Variants in TRPM7 observed in about 807,000 individuals in gnomAD.
The protein encoded by TRPM7 is LTRPC ion channel family member 7.
A neutral mutation model predicts 229.7 loss-of-function variants in TRPM7; 134 were observed. That is an observed-to-expected ratio of 0.58 (90% CI 0.51 to 0.67). The LOEUF is 0.67. Among genes scored for constraint, TRPM7 ranks in the 30% least tolerant of loss-of-function variants. The pLI, the probability that TRPM7 is intolerant of heterozygous loss-of-function variation, is 0.00. For missense variants in TRPM7, 1,901 were observed against 2,210.0 expected, an observed-to-expected ratio of 0.86 and a Z score of 2.80; for synonymous variants, 699 against 715.2, an observed-to-expected ratio of 0.98 and a Z score of 0.36.
chr15:50,631,819 G>A (rs2060744054), intron 9 of TRPM7, among the ~76,000 whole-genome samples: 1 of 151,992 alleles, frequency 6.6e-6, no homozygotes, highest in African/African-American at 2.4e-5. Flanking sequence ...AGGGGCTGAG[G>A]CTATAGATTC....
rs368888168 is a variant in TRPM7 at position 50,578,648 on chromosome 15, T to C, written c.4609A>G (p.Thr1537Ala). 112 of 1,609,712 alleles carry C rather than the reference T, an allele frequency of 7.0e-5. No homozygotes were observed. The highest frequency in any genetic ancestry group is 9.1e-5 in the Non-Finnish European group (107 of 1,177,464). ...SNREMPSEEG[T>A]LNGLTSPFKP... ...TACCACACAGACTCACCATTTAATG[T>C]TCCTTCTTCAGATGGCCTAAAGAAA... Residue 1537 changes from threonine to alanine, a missense_variant, in exon 31 of 39, where the codon ACA becomes GCA. Physicochemically the swap from Thr to Ala is moderately conservative, Grantham distance 58. Around this residue, in one of 8 missense-constraint regions of TRPM7, gnomAD observed 533 missense variants for 497.1 expected, o/e 1.07. Transcript: ENST00000646667.
chr15:50,608,039 A>T (rs1381638659), intron 19 of TRPM7, among the ~76,000 whole-genome samples: 2 of 141,438 alleles, frequency 1.4e-5, no homozygotes, highest in African/African-American at 2.6e-5. Context: ...TGGGCAACAG[A>T]GCGAGACTCT....
chr15:50,625,427 TTC>T (rs1160413340), intron 11 of TRPM7, among the ~76,000 whole-genome samples: 13 of 152,138 alleles, frequency 8.5e-5, no homozygotes, highest in African/African-American at 1.4e-4. Context: ...AGTATATACT[TTC>T]TGTTTTTTTG....
Position 50,561,500 on chromosome 15 carries a change from G to T in TRPM7, c.*178C>A. On this transcript the variant is annotated 3_prime_UTR_variant, in exon 39 of 39. Transcript: ENST00000646667. ...TCAGCTGCCAGCTCTATCCTATAGG[G>T]ACTTTCTGACTGATTAATCAGGTCA... The T allele has an allele frequency of 1.7e-6, 1 of 605,072 alleles. No individual in the cohort carries two copies. Among genetic ancestry groups the T allele is most frequent in the South Asian group, 2.5e-5 (1 of 39,524 alleles). The allele number at this position is 605,072 out of a possible 1,614,324, so 37.5% of individuals were successfully genotyped here.
intron 4 of TRPM7, among the ~76,000 whole-genome samples, chr15:50,648,344 T>C (rs1050529461): frequency 6.6e-6 from 1 of 151,508 alleles, no homozygotes; most frequent in Non-Finnish European, 1.5e-5. Context: ...TAATGGTAAA[T>C]TTAAACTTAA....
rs115916013 is a variant in TRPM7 at position 50,591,947 on chromosome 15, T to C, written c.4288A>G (p.Thr1430Ala). 578 of 1,590,660 alleles carry C rather than the reference T, an allele frequency of 3.6e-4. 1 individual carries two copies. The African/African-American group carries it at 6.6e-3, about 18-fold the overall frequency. The change falls in exon 26 of 39, where the codon ACA (threonine) becomes GCA (alanine). Residue 1430 changes from threonine (T) to alanine (A), a missense_variant. This residue lies in a region of TRPM7 where 533 missense variants were observed against 497.1 expected (regional missense o/e 1.07). Transcript: ENST00000646667. ...CCAAATTCTGTATTATCTCCTTCTG[T>C]AGCTTTAGAGCAAACAGTTTCTTGA... is the stretch of plus-strand genomic sequence containing the variant. ...KDQETVCSKA[T>A]EGDNTEFGAF...
At chr15:50,565,816 T>C (rs1451651079) in intron 38 of TRPM7, among the ~76,000 whole-genome samples, 1 of 141,772 alleles carries the variant, frequency 7.1e-6, no homozygotes, top group Non-Finnish European at 1.5e-5. Flanking sequence ...TCAGAGACCA[T>C]AAACTCTTTT....
intron 21 of TRPM7, among the ~76,000 whole-genome samples, chr15:50,600,235 G>C (rs1160697363): frequency 1.3e-5 from 2 of 152,104 alleles, no homozygotes; most frequent in Non-Finnish European, 2.9e-5. Context: ...TCAGGAGTTC[G>C]AGACTAGCCT....
rs2140375419 is a variant in TRPM7, at chr15:50,594,622, A to G, written c.3291-9T>C. ...CTTGTAAATACACATTGCTAGAGAA[A>G]TAATGAATAAAAATAAAATAAACTT... On this transcript the variant is annotated splice_polypyrimidine_tract_variant and intron_variant, in intron 23 of 38. Transcript: ENST00000646667. The G allele has an allele frequency of 6.5e-7, 1 of 1,532,464 alleles. No individual in the cohort carries two copies. The highest frequency in any genetic ancestry group is 2.3e-5 in the East Asian group (1 of 43,980). The allele number at this position is 1,532,464 out of a possible 1,614,324, so 94.9% of individuals were successfully genotyped here. A position where few individuals can be genotyped will look rare whatever the true frequency, so the allele number is the denominator to read the frequency against.
Position 50,575,011 on chromosome 15 carries a change from T to C in TRPM7, c.4860A>G (p.Gly1620=). The change falls in exon 34 of 39, where the codon GGA becomes GGG. Residue 1620 remains glycine, a synonymous_variant. Coordinates refer to ENST00000646667, the MANE Select transcript of TRPM7 (RefSeq NM_017672.6). ...CTTTGACAGCTCTTCGTAAACCTCC[T>C]CCCATCTCCTCTTTGCTTAAAAACT... The part of the protein sequence containing the change: ...KIEFLSKEEM[G]GGLRRAVKVQ... The C allele has an allele frequency of 6.2e-7, 1 of 1,614,108 alleles. No homozygotes were observed. The highest frequency in any genetic ancestry group is 8.5e-7 in the Non-Finnish European group (1 of 1,180,002).
rs2053307379 is a variant in TRPM7 at position 50,561,409 on chromosome 15, C to T, written c.*269G>A. ...TCATCAAAACAAAGTCAAATGAGAT[C>T]CTCTGCTATACAAAGAGCCCTTTAA... On this transcript the variant is annotated 3_prime_UTR_variant, in exon 39 of 39. Transcript: ENST00000646667. 1 of 316,822 alleles carries T rather than the reference C, an allele frequency of 3.2e-6. No individual in the cohort carries two copies. The highest frequency in any genetic ancestry group is 6.4e-5 in the East Asian group (1 of 15,730). 19.6% of individuals were successfully genotyped at this position (316,822 alleles called of 1,614,324 possible).
At chr15:50,613,449 C>A (rs1047271663) in intron 15 of TRPM7, among the ~76,000 whole-genome samples, 6 of 140,124 alleles carry the variant, frequency 4.3e-5, no homozygotes, top group Admixed American at 8.0e-5. Flanking sequence ...TTGCAGTGAG[C>A]CAAAATTGTG....
At position 50,586,281 on chromosome 15, in the gene TRPM7, G is replaced by A. The variant is rs539383; in HGVS notation, c.4486+111C>T. The A allele has an allele frequency of 0.55, 338,570 of 614,084 alleles. 93,939 individuals are homozygous for A. The highest frequency in any genetic ancestry group is 0.62 in the Admixed American group (18,316 of 29,648). The allele number at this position is 614,084 out of a possible 1,614,324, so 38.0% of individuals were successfully genotyped here. A position where few individuals can be genotyped will look rare whatever the true frequency, so the allele number is the denominator to read the frequency against. On this transcript the variant is annotated intron_variant, in intron 28 of 38. Transcript: ENST00000646667. ...GTCACTATGGCAGATCAGAATTTTCGTCTTCTGACTCCTGCACCATTCACT... is the reference window on the plus strand; with the variant it reads ...GTCACTATGGCAGATCAGAATTTTCATCTTCTGACTCCTGCACCATTCACT...
intron 29 of TRPM7, 25 bp downstream of exon 29, chr15:50,583,064 A>G: frequency 6.6e-7 from 1 of 1,512,492 alleles, no homozygotes; most frequent in Non-Finnish European, 9.0e-7. Context: ...AATAATATAT[A>G]TCTGTTTAGT....
intron 13 of TRPM7, among the ~76,000 whole-genome samples, chr15:50,616,571 G>GA (rs2060227338): frequency 6.6e-6 from 1 of 152,170 alleles, no homozygotes; most frequent in African/African-American, 2.4e-5. Context: ...GAAGAAATGA[G>GA]AAGTGACTGC....
chr15:50,614,890 C>T (rs1021791109), intron 13 of TRPM7, among the ~76,000 whole-genome samples: 4 of 152,050 alleles, frequency 2.6e-5, no homozygotes, highest in African/African-American at 9.7e-5. Flanking sequence ...ACAAAGCAGG[C>T]TGGGCGCTGT....
At chr15:50,646,147 G>A (rs2061257746) in intron 4 of TRPM7, among the ~76,000 whole-genome samples, 1 of 151,848 alleles carries the variant, frequency 6.6e-6, no homozygotes, top group South Asian at 2.1e-4. Flanking sequence ...GGGTACAAAG[G>A]CAGTGAGAAT....
At chr15:50,639,607 C>G in intron 5 of TRPM7, 59 bp from the exon 6 acceptor site, 1 of 1,523,308 alleles carries the variant, frequency 6.6e-7, no homozygotes, top group Non-Finnish European at 8.9e-7. Flanking sequence ...GACAGGGTCA[C>G]CCAGGAAAGA....
chr15:50,643,696 C>T (rs972288092), intron 4 of TRPM7, 143 bp from the exon 5 acceptor site: 1 of 621,520 alleles, frequency 1.6e-6, no homozygotes, highest in Non-Finnish European at 2.8e-6. Context: ...TATTTATACT[C>T]CAAGGAATAA....
Sources: gnomAD v4.1 joint callset for allele counts (sites outside exome capture counted in the v4.1 genomes callset) on GRCh38, gnomAD v4.1.1 for gene constraint, gnomAD v4.1.1 regional missense constraint, MANE v1.5 for transcripts, NCBI Gene and HGNC (gene_info 2026-07-23, HGNC 2026-07-21) for gene names.